ANKRD44: variants seen among roughly 807,000 people sequenced by gnomAD.
ANKRD44 encodes ankyrin repeat domain 44, also known as serine/threonine-protein phosphatase 6 regulatory ankyrin repeat subunit B.
Under a neutral mutation model 116.0 loss-of-function variants are expected in ANKRD44, and 35 were observed. The ratio of observed to expected loss-of-function variants is 0.30; its 90% CI spans 0.23 to 0.40. The LOEUF (loss-of-function observed/expected upper bound fraction) is 0.40. ANKRD44 is among the 10% of genes least tolerant of loss of function. The pLI is 1.00. For missense variants in ANKRD44, 1,014 were observed against 1,242.6 expected, an observed-to-expected ratio of 0.82 and a Z score of 2.77; for synonymous variants, 435 against 461.8, an observed-to-expected ratio of 0.94 and a Z score of 0.74.
At chr2:197,180,548 C>T (rs563470673) in intron 2 of ANKRD44, among the ~76,000 whole-genome samples, 114 of 151,990 alleles carry the variant, frequency 7.5e-4, no homozygotes, top group Non-Finnish European at 1.5e-3. Flanking sequence ...TAGAAGGTGC[C>T]CAAGTCTCTA....
intron 2 of ANKRD44, among the ~76,000 whole-genome samples, chr2:197,163,564 T>C (rs1433569939): frequency 6.6e-6 from 1 of 152,112 alleles, no homozygotes; most frequent in African/African-American, 2.4e-5. Context: ...TTTCCAGGCG[T>C]AGGAAATCTA....
chr2:197,087,838 G>A (rs1187338613), intron 12 of ANKRD44, among the ~76,000 whole-genome samples: 1 of 152,032 alleles, frequency 6.6e-6, no homozygotes, highest in East Asian at 1.9e-4. Flanking sequence ...TGGGGGCTGA[G>A]GTAGGGGGAA....
In ANKRD44 at chr2:197,170,190, C is replaced by CAAAAAA. The variant is rs71012960; in HGVS notation, c.111+16827_111+16832dup. Among the ~76,000 whole-genome samples the CAAAAAA allele has an allele frequency of 3.7e-3, 437 of 119,628 alleles. 3 individuals carry two copies. The highest frequency in any genetic ancestry group is 0.012 in the African/African-American group (361 of 30,414). 78.5% of individuals were successfully genotyped at this position (119,628 alleles called of 152,430 possible). On this transcript the variant is annotated intron_variant, in intron 2 of 27. Transcript: ENST00000282272. ...GGGCGATAGAACAAGACCCTGTTTC[C>CAAAAAA]AAAAAAAAAAAAAAAAAAAAAAAAC...
intron 16 of ANKRD44, among the ~76,000 whole-genome samples, chr2:197,051,355 G>C (rs1178572518): frequency 2.0e-5 from 3 of 152,094 alleles, no homozygotes; most frequent in Non-Finnish European, 4.4e-5. Context: ...CAGTCACTAG[G>C]AGGTACCAGC....
At chr2:197,016,650 G>A (rs1438152971) in intron 17 of ANKRD44, among the ~76,000 whole-genome samples, 1 of 152,068 alleles carries the variant, frequency 6.6e-6, no homozygotes, top group African/African-American at 2.4e-5. Flanking sequence ...TTTGCAATGT[G>A]TGTTTTAGAT....
chr2:197,234,925 G>C (rs984534749), intron 1 of ANKRD44, among the ~76,000 whole-genome samples: 3 of 152,170 alleles, frequency 2.0e-5, no homozygotes, highest in African/African-American at 7.2e-5. Context: ...CTTTTAAGAA[G>C]AGGCTGAAGA....
Position 197,088,734 on chromosome 2 carries a change from G to C in ANKRD44, c.1224C>G (p.Cys408Trp), listed in dbSNP as rs1287677623. 6.2e-7 allele frequency: 1 copy of C among 1,612,120 alleles called. No individual in the cohort carries two copies. The highest frequency in any genetic ancestry group is 8.5e-7 in the Non-Finnish European group (1 of 1,178,824). The change falls in exon 12 of 28, where the codon TGC becomes TGG. Residue 408 changes from cysteine to tryptophan, a missense_variant. Cys to Trp is a radical substitution (Grantham distance 215, BLOSUM62 -2). Coordinates refer to ENST00000282272, the MANE Select transcript of ANKRD44 (RefSeq NM_001195144.2). ...ACCCTCCTGCAGCAGCAGCATGAAG[G>C]CACGTTCTTCCAAATTTATCTGGGG... is the stretch of plus-strand genomic sequence containing the variant. ...IDTPDKFGRTCLHAAAAGGNV... is the reference protein window; with the variant it reads ...IDTPDKFGRTWLHAAAAGGNV...
At chr2:197,001,213 T>C (rs2076108762) in intron 22 of ANKRD44, among the ~76,000 whole-genome samples, 1 of 152,198 alleles carries the variant, frequency 6.6e-6, no homozygotes. Flanking sequence ...AGGCTAACTA[T>C]GGAAGCCCAG....
At chr2:197,131,469 G>A (rs559188995) in intron 4 of ANKRD44, among the ~76,000 whole-genome samples, 83 of 152,288 alleles carry the variant, frequency 5.5e-4, no homozygotes, top group Middle Eastern at 3.4e-3. Flanking sequence ...GGGATTACAG[G>A]CGTGAGCCAC....
intron 1 of ANKRD44, among the ~76,000 whole-genome samples, chr2:197,270,273 C>T (rs2082861827): frequency 6.6e-6 from 1 of 152,064 alleles, no homozygotes; most frequent in African/African-American, 2.4e-5. Context: ...ACTCGGGAGT[C>T]AGACTCTGTG....
At chr2:197,087,991 A>T (rs1431081677) in intron 12 of ANKRD44, among the ~76,000 whole-genome samples, 6 of 152,226 alleles carry the variant, frequency 3.9e-5, no homozygotes, top group Non-Finnish European at 8.8e-5. Flanking sequence ...GTAATATACA[A>T]ATGACAAATG....
chr2:197,122,766 T>C lies in ANKRD44; in HGVS notation c.577A>G (p.Ile193Val). 1.2e-6 allele frequency: 2 copies of C among 1,614,126 alleles called. No individual in the cohort carries two copies. The highest frequency in any genetic ancestry group is 2.7e-5 in the African/African-American group (2 of 75,052). ...CAGGTCACTTCTGCGCCATGGTTAA[T>C]GAGCAATGCTACAACATCCAAGTGG... is the stretch of plus-strand genomic sequence containing the variant. ...MGHLDVVALL[I>V]NHGAEVTCKD... is the part of the protein sequence containing the mutation. The change falls in exon 7 of 28, where the codon ATT becomes GTT. Residue 193 changes from isoleucine (I) to valine (V), a missense_variant. Ile to Val is a conservative substitution (Grantham distance 29). Coordinates refer to ENST00000282272, the MANE Select transcript of ANKRD44 (RefSeq NM_001195144.2).
chr2:197,292,087 G>T (rs1168480042), intron 1 of ANKRD44, among the ~76,000 whole-genome samples: 2 of 152,192 alleles, frequency 1.3e-5, no homozygotes, highest in African/African-American at 2.4e-5. Context: ...ATGGACATTT[G>T]AATTGGTTCC....
chr2:197,003,982 A>AACAC (rs368951897), intron 21 of ANKRD44, among the ~76,000 whole-genome samples: 28 of 151,100 alleles, frequency 1.9e-4, no homozygotes, highest in Non-Finnish European at 3.0e-4. Flanking sequence ...ATATAATTAG[A>AACAC]ACACACACAC....
At chr2:197,010,550 A>C (rs1345831875) in intron 18 of ANKRD44, among the ~76,000 whole-genome samples, 1 of 152,214 alleles carries the variant, frequency 6.6e-6, no homozygotes, top group Admixed American at 6.5e-5. Flanking sequence ...CAGCTTTAGA[A>C]GGCTGTAGTG....
chr2:197,068,828 GA>G (rs1407513215), intron 16 of ANKRD44, among the ~76,000 whole-genome samples: 3 of 152,170 alleles, frequency 2.0e-5, no homozygotes, highest in Non-Finnish European at 2.9e-5. Context: ...GGAGAAATAA[GA>G]ACACTTTTAC....
At chr2:197,193,713 A>C (rs1454465277) in intron 1 of ANKRD44, among the ~76,000 whole-genome samples, 3 of 152,056 alleles carry the variant, frequency 2.0e-5, no homozygotes, top group Non-Finnish European at 4.4e-5. Flanking sequence ...CCCCGTCTCT[A>C]CTAAAAATAC....
chr2:197,228,359 T>A (rs1302958082), intron 1 of ANKRD44, among the ~76,000 whole-genome samples: 1 of 152,248 alleles, frequency 6.6e-6, no homozygotes, highest in Non-Finnish European at 1.5e-5. Context: ...GAGATGGTCA[T>A]CATTACTCTA....
In ANKRD44 at chr2:197,078,289, CCACACACA is replaced by C. The variant is rs10581633; in HGVS notation, c.1650+406_1650+413del. 2.5e-3 allele frequency: 390 copies of C among 158,026 alleles called. 2 individuals are homozygous for C. Among genetic ancestry groups the C allele is most frequent in the African/African-American group, 8.8e-3 (344 of 39,298 alleles). The allele number at this position is 158,026 out of a possible 1,614,324, so 9.8% of individuals were successfully genotyped here. A position where few individuals can be genotyped will look rare whatever the true frequency, so the allele number is the denominator to read the frequency against. ...AAAGCCTTCACTCTGCCACTGATTA[CCACACACA>C]CACACACACACACACACACACACAC... is the stretch of plus-strand genomic sequence containing the variant. On this transcript the variant is annotated intron_variant, in intron 16 of 27. Coordinates refer to ENST00000282272, the MANE Select transcript of ANKRD44 (RefSeq NM_001195144.2).
Sources: allele counts gnomAD v4.1 joint callset (sites outside exome capture counted in the v4.1 genomes callset), GRCh38; gene constraint gnomAD v4.1.1; transcripts MANE v1.5; gene names NCBI Gene and HGNC (gene_info 2026-07-23, HGNC 2026-07-21).